ANKFN1: variants seen among roughly 807,000 people sequenced by gnomAD.
ANKFN1 encodes ankyrin repeat and fibronectin type-III domain-containing protein 1.
In ANKFN1, 74 loss-of-function variants were observed where a neutral mutation model predicts 108.7. That is an observed-to-expected ratio of 0.68 (90% confidence interval 0.56 to 0.83). ANKFN1 has a LOEUF of 0.83. ANKFN1 is among the 40% of genes least tolerant of loss of function. The pLI is 0.00. For synonymous variants in ANKFN1, 547 were observed against 516.2 expected, an observed-to-expected ratio of 1.06 and a Z score of -0.81; for missense variants, 1,505 against 1,382.3, an observed-to-expected ratio of 1.09 and a Z score of -1.41.
Position 56,241,083 on chromosome 17 carries a change from G to C in ANKFN1, c.53+13126G>C, listed in dbSNP as rs1051574830. Among the ~76,000 whole-genome samples, 3 of 152,004 alleles carry C rather than the reference G, an allele frequency of 2.0e-5. No homozygotes were observed. In the East Asian group the frequency reaches 5.8e-4, roughly 29 times the overall value. The stretch of plus-strand genomic sequence containing the variant: ...TAATTTCCTACTTTGATGATGTAAA[G>C]ATATGCTTCTGTACACTGTTATGTA... On this transcript the variant is annotated intron_variant, in intron 3 of 20. Transcript: ENST00000682825.
intron 14 of ANKFN1, among the ~76,000 whole-genome samples, chr17:56,460,557 T>C (rs2049867269): frequency 6.6e-6 from 1 of 152,190 alleles, no homozygotes; most frequent in South Asian, 2.1e-4. Flanking sequence ...TCTCAGGTGA[T>C]GATTTCACTG....
intron 3 of ANKFN1, among the ~76,000 whole-genome samples, chr17:56,274,646 C>A (rs1300842763): frequency 6.6e-6 from 1 of 152,176 alleles, no homozygotes; most frequent in Admixed American, 6.5e-5. Context: ...CTATTAGAGG[C>A]ACTGAAAAGC....
At chr17:56,494,068 C>T (rs926945698) in intron 19 of ANKFN1, among the ~76,000 whole-genome samples, 18 of 152,128 alleles carry the variant, frequency 1.2e-4, no homozygotes, top group Admixed American at 7.2e-4. Context: ...CATTCATTCA[C>T]AAGAAGGAGA....
chr17:56,126,032 C>T (rs974714720), intron 4 of ANKFN1, among the ~76,000 whole-genome samples: 3 of 152,152 alleles, frequency 2.0e-5, no homozygotes, highest in African/African-American at 7.2e-5. Context: ...TCTCTGGCCC[C>T]GCCCGGGGCT....
chr17:56,279,656 A>G (rs1313698795), intron 3 of ANKFN1, among the ~76,000 whole-genome samples: 1 of 152,184 alleles, frequency 6.6e-6, no homozygotes, highest in East Asian at 1.9e-4. Context: ...GCTCAGTACA[A>G]CACAAAGAGC....
chr17:56,234,589 G>A (rs1031212247), intron 3 of ANKFN1, among the ~76,000 whole-genome samples: 3 of 152,036 alleles, frequency 2.0e-5, no homozygotes, highest in Non-Finnish European at 4.4e-5. Context: ...ACTAATAAGT[G>A]AGAACATGCA....
chr17:56,065,220 T>G (rs973973845), intron 4 of ANKFN1, among the ~76,000 whole-genome samples: 3 of 152,210 alleles, frequency 2.0e-5, no homozygotes, highest in African/African-American at 7.2e-5. Context: ...CTCCTGAAGC[T>G]TCTTCACCTC....
In ANKFN1 at chr17:56,144,156, GA is replaced by G. The variant is rs59884444; in HGVS notation, c.289-83732del. Among the ~76,000 whole-genome samples the G allele has an allele frequency of 5.6e-3, 228 of 40,554 alleles. 1 individual carries two copies. The highest frequency in any genetic ancestry group is 0.013 in the African/African-American group (140 of 10,850). The allele number at this position is 40,554 out of a possible 152,430, so 26.6% of individuals were successfully genotyped here. A position where few individuals can be genotyped will look rare whatever the true frequency, so the allele number is the denominator to read the frequency against. ...GCCTGACACAAACAGAGGCGCATCT[GA>G]AAAAAAAAAAAAAAAAAAAAAAAAA... is the stretch of plus-strand genomic sequence containing the variant. On this transcript the variant is annotated intron_variant, in intron 4 of 12. Transcript: ENST00000635860.
Position 56,480,777 on chromosome 17 carries a change from G to A in ANKFN1, c.2050G>A (p.Val684Met). 3 of 1,614,018 alleles carry A rather than the reference G, an allele frequency of 1.9e-6. No individual in the cohort carries two copies. The highest frequency in any genetic ancestry group is 1.7e-6 in the Non-Finnish European group (2 of 1,179,952). ...QLFFYELQMAVKALLQQINIP... is the reference protein window; with the variant it reads ...QLFFYELQMAMKALLQQINIP... ...GTTCTTCTACGAGCTCCAGATGGCA[G>A]TGAAAGCTCTCCTTCAGCAGATCAA... Residue 684 changes from valine to methionine, a missense_variant, in exon 17 of 21, where the codon GTG (valine) becomes ATG (methionine). Val to Met is a conservative substitution (Grantham distance 21). Coordinates refer to ENST00000682825, the MANE Select transcript of ANKFN1 (RefSeq NM_001370326.1).
chr17:56,436,786 G>A (rs1160275740), intron 8 of ANKFN1, among the ~76,000 whole-genome samples: 1 of 149,130 alleles, frequency 6.7e-6, no homozygotes, highest in African/African-American at 2.5e-5. Flanking sequence ...GCAGTGAGCT[G>A]AGATCGTGCC....
intron 1 of ANKFN1, among the ~76,000 whole-genome samples, chr17:56,163,128 C>G (rs1055375715): frequency 2.0e-5 from 3 of 152,104 alleles, no homozygotes; most frequent in Admixed American, 2.0e-4. Flanking sequence ...GTTGAGCTCA[C>G]CAGAACAGAG....
At chr17:56,461,342 G>T (rs141049524) in intron 14 of ANKFN1, among the ~76,000 whole-genome samples, 2 of 152,050 alleles carry the variant, frequency 1.3e-5, no homozygotes, top group African/African-American at 4.8e-5. Flanking sequence ...CAATGACTTT[G>T]GTTTCACTAA....
chr17:56,170,807 T>TATATATATATATATATATAC (rs1361307404), intron 1 of ANKFN1, among the ~76,000 whole-genome samples: 1 of 61,464 alleles, frequency 1.6e-5, no homozygotes, highest in African/African-American at 7.0e-5. Context: ...TATATATATA[T>TATATATATATATATATATAC]ACACACACAC....
intron 15 of ANKFN1, among the ~76,000 whole-genome samples, chr17:56,475,625 T>C (rs2050471448): frequency 6.6e-6 from 1 of 152,232 alleles, no homozygotes; most frequent in Non-Finnish European, 1.5e-5. Flanking sequence ...ATTATTTTAA[T>C]TGACAAGTTA....
intron 18 of ANKFN1, among the ~76,000 whole-genome samples, chr17:56,488,188 G>A (rs1330850390): frequency 6.6e-6 from 1 of 152,176 alleles, no homozygotes; most frequent in African/African-American, 2.4e-5. Context: ...TGGATATCAT[G>A]AGACAATTAA....
intron 20 of ANKFN1, among the ~76,000 whole-genome samples, chr17:56,502,718 C>T (rs1275186412): frequency 6.6e-6 from 1 of 152,142 alleles, no homozygotes; most frequent in Non-Finnish European, 1.5e-5. Context: ...GCTGGGTTAC[C>T]CAGAGGGCAA....
At chr17:56,348,088 T>G (rs1206434382) in intron 4 of ANKFN1, among the ~76,000 whole-genome samples, 2 of 152,040 alleles carry the variant, frequency 1.3e-5, no homozygotes, top group Non-Finnish European at 2.9e-5. Flanking sequence ...AGCTTGCATA[T>G]GAATCTGAAA....
rs200847835 is a variant in ANKFN1, at chr17:56,480,724, A to T, written c.1997A>T (p.Asp666Val). ...LSGSESMESV[D>V]HTSDCPMQLF... is the part of the protein sequence containing the mutation. ...GGCTCTGAATCTATGGAAAGTGTGG[A>T]TCATACTTCTGACTGCCCCATGCAA... Residue 666 changes from aspartate to valine, a missense_variant, in exon 17 of 21, where the codon GAT becomes GTT. Physicochemically the swap from Asp to Val is radical, Grantham distance 152 (BLOSUM62 -3). Transcript: ENST00000682825. 1.2e-6 allele frequency: 2 copies of T among 1,613,950 alleles called. No individual in the cohort carries two copies. Among genetic ancestry groups the T allele is most frequent in the Non-Finnish European group, 1.7e-6 (2 of 1,179,962 alleles).
chr17:56,428,462 CTTTT>C (rs1183827202), intron 8 of ANKFN1, among the ~76,000 whole-genome samples: 2 of 133,282 alleles, frequency 1.5e-5, no homozygotes. Flanking sequence ...AGCTTTTTTT[CTTTT>C]TTTTTTTTTT....
Sources: allele counts gnomAD v4.1 joint callset (sites outside exome capture counted in the v4.1 genomes callset), GRCh38; gene constraint gnomAD v4.1.1; transcripts MANE v1.5; gene names NCBI Gene and HGNC (gene_info 2026-07-23, HGNC 2026-07-21).